SNX2: variants seen among roughly 807,000 people sequenced by gnomAD.
SNX2 encodes sorting nexin 2, also known as sorting nexin-2.
A neutral mutation model predicts 69.9 loss-of-function variants in SNX2; 25 were observed. The observed-to-expected ratio is 0.36, with a 90% CI of 0.26 to 0.50. The LOEUF is 0.50. Ranked by LOEUF, SNX2 falls within the 20% of genes least tolerant of loss-of-function variation. The pLI, the probability that SNX2 is intolerant of heterozygous loss-of-function variation, is 0.97. For synonymous variants in SNX2, 229 were observed against 200.4 expected (o/e 1.14, Z -1.20); for missense variants, 551 against 613.3 (o/e 0.90, Z 1.07).
rs1318961059 is a variant in SNX2 at position 122,832,148 on chromosome 5, TA to T, written c.*2503del. ...TTGTTTTCTTAATGAGATCAAAAGT[TA>T]AAGACCAAGGCAGCAAAATATTGTG... is the stretch of plus-strand genomic sequence containing the variant. On this transcript the variant is annotated 3_prime_UTR_variant, in exon 15 of 15. Transcript: ENST00000379516. 6.6e-6 allele frequency among the ~76,000 whole-genome samples: 1 copy of T among 152,206 alleles called. No homozygotes were observed. Among genetic ancestry groups the T allele is most frequent in the African/African-American group, 2.4e-5 (1 of 41,460 alleles).
intron 1 of SNX2, among the ~76,000 whole-genome samples, chr5:122,776,532 G>C (rs533673257): frequency 1.3e-5 from 2 of 152,242 alleles, no homozygotes; most frequent in Middle Eastern, 3.4e-3. Context: ...ATGTTTGCCT[G>C]AGTTAAAACC....
chr5:122,796,110 T>C (rs1247829880), intron 2 of SNX2, among the ~76,000 whole-genome samples: 1 of 152,216 alleles, frequency 6.6e-6, no homozygotes, highest in Non-Finnish European at 1.5e-5. Context: ...CTCATAAGCT[T>C]GGGATTTTCA....
chr5:122,782,392 C>T, intron 1 of SNX2, among the ~76,000 whole-genome samples: 1 of 151,856 alleles, frequency 6.6e-6, no homozygotes, highest in Middle Eastern at 3.2e-3. Context: ...GCACCTACCC[C>T]CACGCCCAGC....
chr5:122,801,996 T>C, intron 4 of SNX2, 61 bp downstream of exon 4: 2 of 1,518,452 alleles, frequency 1.3e-6, no homozygotes, highest in Non-Finnish European at 1.8e-6. Flanking sequence ...TTTTGTATGG[T>C]TTTTCTTCAT....
chr5:122,812,435 A>G (rs142779256), intron 7 of SNX2, among the ~76,000 whole-genome samples: 1 of 152,274 alleles, frequency 6.6e-6, no homozygotes, highest in Non-Finnish European at 1.5e-5. Flanking sequence ...CTTTGTTCCT[A>G]GGTATCTGCA....
chr5:122,795,209 A>C (rs1051816963), intron 1 of SNX2, 57 bp from the exon 2 acceptor site: 8 of 1,114,366 alleles, frequency 7.2e-6, no homozygotes, highest in Non-Finnish European at 8.2e-6. Flanking sequence ...ACATGGTGAC[A>C]GAATTACAAC....
rs954103978 is a variant in SNX2, at chr5:122,834,241, A to T, written c.*4593A>T. ...CTGATAAGATTGTAGAAGATAGGGA[A>T]GCTGTAGTTTACTATCTAGTTTTTT... is the stretch of plus-strand genomic sequence containing the variant. On this transcript the variant is annotated 3_prime_UTR_variant, in exon 15 of 15. Transcript: ENST00000379516. 2.0e-5 allele frequency: 3 copies of T among 152,232 alleles called. No individual in the cohort carries two copies. The highest frequency in any genetic ancestry group is 7.2e-5 in the African/African-American group (3 of 41,476). 9.4% of individuals were successfully genotyped at this position (152,232 alleles called of 1,614,324 possible). A position where few individuals can be genotyped will look rare whatever the true frequency, so the allele number is the denominator to read the frequency against.
In SNX2 at chr5:122,824,043, TA is replaced by T. The variant is rs1754091700; in HGVS notation, c.1213-2002del. Among the ~76,000 whole-genome samples, 3 of 151,630 alleles carry T rather than the reference TA, an allele frequency of 2.0e-5. No homozygotes were observed. The South Asian group carries it at 6.3e-4, about 32-fold the overall frequency. On this transcript the variant is annotated intron_variant, in intron 11 of 14. Coordinates refer to ENST00000379516, the MANE Select transcript of SNX2 (RefSeq NM_003100.4). Reference sequence around the variant, plus strand: ...AGTGAAACCCCGTCTCTTCTAAAAATAAAAATAAATTAGCTGGGCATGGTGG... The same window carrying T: ...AGTGAAACCCCGTCTCTTCTAAAAATAAAATAAATTAGCTGGGCATGGTGG...
At chr5:122,818,551 G>C (rs1456833143) in intron 10 of SNX2, among the ~76,000 whole-genome samples, 1 of 152,130 alleles carries the variant, frequency 6.6e-6, no homozygotes, top group Non-Finnish European at 1.5e-5. Flanking sequence ...AAAAACAGGA[G>C]GCAGATTTTT....
At chr5:122,817,100 C>A (rs759462991) in intron 9 of SNX2, 72 bp downstream of exon 9, 2 of 1,255,050 alleles carry the variant, frequency 1.6e-6, no homozygotes, top group South Asian at 1.3e-5. Flanking sequence ...TAAAGCTGTA[C>A]AAGTGGAAAA....
Position 122,831,277 on chromosome 5 carries a change from C to T in SNX2, c.*1629C>T, listed in dbSNP as rs1754283708. Reference sequence around the variant, plus strand: ...TTATTCATATTTATACTCCCACAGCCCAGAAGAGTGGCTGATACATAATAG... The same window carrying T: ...TTATTCATATTTATACTCCCACAGCTCAGAAGAGTGGCTGATACATAATAG... On this transcript the variant is annotated 3_prime_UTR_variant, in exon 15 of 15. Transcript: ENST00000379516. Among the ~76,000 whole-genome samples the T allele has an allele frequency of 6.6e-6, 1 of 152,014 alleles. No homozygotes were observed. The highest frequency in any genetic ancestry group is 6.6e-5 in the Admixed American group (1 of 15,254).
chr5:122,829,722 A>T lies in SNX2; in HGVS notation c.*74A>T. The T allele has an allele frequency of 7.5e-6, 9 of 1,198,514 alleles. No individual in the cohort carries two copies. Among genetic ancestry groups the T allele is most frequent in the Non-Finnish European group, 1.1e-5 (9 of 805,222 alleles). 74.2% of individuals were successfully genotyped at this position (1,198,514 alleles called of 1,614,324 possible). A position where few individuals can be genotyped will look rare whatever the true frequency, so the allele number is the denominator to read the frequency against. ...GCTGGATTCCACAGTGAAATCATTT[A>T]AAACCATCTAAATAAACCACTATAT... On this transcript the variant is annotated 3_prime_UTR_variant, in exon 15 of 15. Coordinates refer to ENST00000379516, the MANE Select transcript of SNX2 (RefSeq NM_003100.4).
chr5:122,778,582 C>CA (rs1225195522), intron 1 of SNX2, among the ~76,000 whole-genome samples: 5 of 152,144 alleles, frequency 3.3e-5, no homozygotes, highest in African/African-American at 1.2e-4. Flanking sequence ...GATCTTGGCT[C>CA]ACTGCAGTCT....
intron 5 of SNX2, 131 bp downstream of exon 5, chr5:122,802,255 T>C (rs1430797403): frequency 2.5e-6 from 2 of 811,616 alleles, no homozygotes. Flanking sequence ...TGCCAAGAAG[T>C]AGGTGCAATG....
Position 122,803,604 on chromosome 5 carries a change from A to G in SNX2, c.634A>G (p.Ser212Gly). The G allele has an allele frequency of 6.2e-7, 1 of 1,603,682 alleles. No individual in the cohort carries two copies. Among genetic ancestry groups the G allele is most frequent in the Non-Finnish European group, 8.5e-7 (1 of 1,176,818 alleles). ...TATTGTGCCACCAGCTCCAGAAAAG[A>G]GTATAGTAGGTAAGCACAAATTTTT... is the stretch of plus-strand genomic sequence containing the variant. ...GYIVPPAPEKSIVGMTKVKVG... is the reference protein window; with the variant it reads ...GYIVPPAPEKGIVGMTKVKVG... The change falls in exon 6 of 15, where the codon AGT becomes GGT. Residue 212 changes from serine to glycine, a missense_variant. Coordinates refer to ENST00000379516, the MANE Select transcript of SNX2 (RefSeq NM_003100.4).
At chr5:122,778,022 T>C (rs892231120) in intron 1 of SNX2, among the ~76,000 whole-genome samples, 4 of 152,254 alleles carry the variant, frequency 2.6e-5, no homozygotes, top group African/African-American at 7.2e-5. Context: ...TACTTTCTAC[T>C]TCTGTTAGAT....
intron 1 of SNX2, among the ~76,000 whole-genome samples, chr5:122,782,593 T>C (rs937128752): frequency 1.3e-5 from 2 of 149,038 alleles, no homozygotes; most frequent in African/African-American, 5.0e-5. Context: ...TAGAGAGCAG[T>C]TGGCACAATC....
chr5:122,781,146 G>A (rs2149999988), intron 1 of SNX2, among the ~76,000 whole-genome samples: 1 of 152,300 alleles, frequency 6.6e-6, no homozygotes, highest in South Asian at 2.1e-4. Context: ...TTGCGACAGG[G>A]ATGCTCAGCT....
chr5:122,798,581 C>T (rs922764303), intron 2 of SNX2, among the ~76,000 whole-genome samples: 2 of 152,138 alleles, frequency 1.3e-5, no homozygotes, highest in African/African-American at 4.8e-5. Context: ...CTAAGGACCT[C>T]AGGTTAGAAA....
Sources: gnomAD v4.1 joint callset for allele counts (sites outside exome capture counted in the v4.1 genomes callset) on GRCh38, gnomAD v4.1.1 for gene constraint, MANE v1.5 for transcripts, NCBI Gene and HGNC (gene_info 2026-07-23, HGNC 2026-07-21) for gene names.